Variants in KCNJ3 observed in about 807,000 individuals in gnomAD.
KCNJ3 encodes potassium inwardly rectifying channel subfamily J member 3.
Under a neutral mutation model 39.2 loss-of-function variants are expected in KCNJ3, and 4 were observed. The ratio of observed to expected loss-of-function variants is 0.10; its 90% CI spans 0.05 to 0.23. KCNJ3 has a LOEUF of 0.23. Ranked by LOEUF, KCNJ3 falls within the 10% of genes least tolerant of loss-of-function variation. The pLI is 1.00. For missense variants in KCNJ3, 276 were observed against 634.9 expected (o/e 0.43, Z 6.08); for synonymous variants, 230 against 237.4 (o/e 0.97, Z 0.29).
At chr2:154,836,153 T>C (rs1687457159) in intron 2 of KCNJ3, among the ~76,000 whole-genome samples, 1 of 146,544 alleles carries the variant, frequency 6.8e-6, no homozygotes, top group Non-Finnish European at 1.5e-5. Flanking sequence ...GAGGTTGCAA[T>C]GAGCCAAGAT....
intron 1 of KCNJ3, among the ~76,000 whole-genome samples, chr2:154,706,643 CT>C (rs889263849): frequency 1.3e-5 from 2 of 151,292 alleles, no homozygotes; most frequent in East Asian, 3.9e-4. Flanking sequence ...AACTCATAGG[CT>C]TTTTTTTTCC....
intron 2 of KCNJ3, among the ~76,000 whole-genome samples, chr2:154,801,847 G>T (rs1053619101): frequency 2.6e-5 from 4 of 151,972 alleles, no homozygotes; most frequent in Non-Finnish European, 5.9e-5. Flanking sequence ...AGCTGGTCTC[G>T]AACTACTGGG....
At chr2:154,795,556 A>G (rs1300614460) in intron 2 of KCNJ3, among the ~76,000 whole-genome samples, 2 of 152,056 alleles carry the variant, frequency 1.3e-5, no homozygotes, top group East Asian at 3.9e-4. Context: ...TGCAGTTAAC[A>G]TTGTTTCCAC....
chr2:154,818,149 A>G (rs992057755), intron 2 of KCNJ3, among the ~76,000 whole-genome samples: 2 of 152,158 alleles, frequency 1.3e-5, no homozygotes, highest in Non-Finnish European at 2.9e-5. Flanking sequence ...ATATATGGGT[A>G]TATATGGTAT....
chr2:154,718,200 G>C (rs545663037), intron 2 of KCNJ3, among the ~76,000 whole-genome samples: 2 of 152,136 alleles, frequency 1.3e-5, no homozygotes, highest in Non-Finnish European at 2.9e-5. Context: ...GTTATTTATT[G>C]CTTAATTGTG....
intron 2 of KCNJ3, among the ~76,000 whole-genome samples, chr2:154,844,282 G>C (rs575998591): frequency 6.6e-6 from 1 of 152,320 alleles, no homozygotes; most frequent in South Asian, 2.1e-4. Flanking sequence ...GGAGGCTGCA[G>C]AACAGCAAAT....
intron 1 of KCNJ3, chr2:154,709,197 C>G (rs1685062574): frequency 5.1e-6 from 1 of 194,366 alleles, no homozygotes; most frequent in Non-Finnish European, 1.1e-5. Context: ...CTTTAACACA[C>G]TCCATAAGAA....
chr2:154,822,590 A>G (rs1163318994), intron 2 of KCNJ3, among the ~76,000 whole-genome samples: 1 of 152,170 alleles, frequency 6.6e-6, no homozygotes, highest in African/African-American at 2.4e-5. Flanking sequence ...GTTTCTGAGC[A>G]TTTTGCTGTG....
At position 154,793,471 on chromosome 2, in the gene KCNJ3, T is replaced by A. The variant is rs866295811; in HGVS notation, c.920-61256T>A. 3.3e-5 allele frequency among the ~76,000 whole-genome samples: 5 copies of A among 152,112 alleles called. No individual in the cohort carries two copies. The South Asian group carries it at 1.0e-3, about 32-fold the overall frequency. ...ACCCCACTGTATGAGTGGTCTTCCT[T>A]TTAACATCTTTTTCAAAAAATATGA... On this transcript the variant is annotated intron_variant, in intron 2 of 2. Coordinates refer to ENST00000295101, the MANE Select transcript of KCNJ3 (RefSeq NM_002239.4).
chr2:154,707,148 T>C (rs1392617217), intron 1 of KCNJ3, among the ~76,000 whole-genome samples: 1 of 152,130 alleles, frequency 6.6e-6, no homozygotes, highest in Non-Finnish European at 1.5e-5. Flanking sequence ...TGTAAAGAAT[T>C]TCACTTATCT....
intron 2 of KCNJ3, among the ~76,000 whole-genome samples, chr2:154,851,037 G>A (rs1197828437): frequency 6.6e-6 from 1 of 151,874 alleles, no homozygotes; most frequent in Admixed American, 6.6e-5. Context: ...ATTACTTGAG[G>A]CTAGGAATTT....
chr2:154,744,839 C>A (rs1574444592), intron 2 of KCNJ3, among the ~76,000 whole-genome samples: 1 of 151,634 alleles, frequency 6.6e-6, no homozygotes, highest in East Asian at 1.9e-4. Context: ...TATTTCTTTC[C>A]ATCTGCTTGC....
intron 2 of KCNJ3, among the ~76,000 whole-genome samples, chr2:154,817,918 AC>A (rs1470959475): frequency 6.6e-6 from 1 of 152,006 alleles, no homozygotes; most frequent in Non-Finnish European, 1.5e-5. Flanking sequence ...GTCAATAAAA[AC>A]GTGTCCAACG....
At chr2:154,814,155 T>C (rs971590731) in intron 2 of KCNJ3, among the ~76,000 whole-genome samples, 1 of 152,218 alleles carries the variant, frequency 6.6e-6, no homozygotes, top group East Asian at 1.9e-4. Flanking sequence ...AATTTTCTTT[T>C]TAAAACTAAA....
chr2:154,822,000 G>A (rs919711121), intron 2 of KCNJ3, among the ~76,000 whole-genome samples: 1 of 151,894 alleles, frequency 6.6e-6, no homozygotes, highest in Admixed American at 6.6e-5. Context: ...ACACCAAAGA[G>A]TGCAATCATT....
chr2:154,856,751 C>T lies in KCNJ3; in HGVS notation c.*1438C>T, dbSNP rs1330031936. On this transcript the variant is annotated 3_prime_UTR_variant, in exon 3 of 3. Coordinates refer to ENST00000295101, the MANE Select transcript of KCNJ3 (RefSeq NM_002239.4). ...ATCCTGAAGTCTGATATTTATGACT[C>T]ATTAGCAGGAATCAAAACTAGTGAT... 3 of 152,100 alleles carry T rather than the reference C, an allele frequency of 2.0e-5. No homozygotes were observed. The highest frequency in any genetic ancestry group is 4.4e-5 in the Non-Finnish European group (3 of 68,008). 9.4% of individuals were successfully genotyped at this position (152,100 alleles called of 1,614,324 possible).
intron 2 of KCNJ3, among the ~76,000 whole-genome samples, chr2:154,846,722 A>ACTT (rs1687668878): frequency 6.6e-6 from 1 of 152,126 alleles, no homozygotes; most frequent in African/African-American, 2.4e-5. Flanking sequence ...TAGCATCTGC[A>ACTT]CTTATCTTCC....
At chr2:154,850,008 CTT>C (rs373062062) in intron 2 of KCNJ3, among the ~76,000 whole-genome samples, 277 of 48,792 alleles carry the variant, frequency 5.7e-3, no homozygotes, top group Middle Eastern at 0.02. Flanking sequence ...CAGAATAAAT[CTT>C]TTTTTTTTTT....
intron 2 of KCNJ3, among the ~76,000 whole-genome samples, chr2:154,783,090 A>G (rs1024147079): frequency 2.0e-5 from 3 of 152,112 alleles, no homozygotes; most frequent in Admixed American, 2.0e-4. Flanking sequence ...AGGCAGGAGA[A>G]TAGCTTGAAC....
Sources: allele counts gnomAD v4.1 joint callset (sites outside exome capture counted in the v4.1 genomes callset), GRCh38; gene constraint gnomAD v4.1.1; transcripts MANE v1.5; gene names NCBI Gene and HGNC (gene_info 2026-07-23, HGNC 2026-07-21).